MDFIC: variants seen among roughly 807,000 people sequenced by gnomAD.
The protein encoded by MDFIC is MyoD family inhibitor domain containing, also known as myoD family inhibitor domain-containing protein.
Under a neutral mutation model 23.2 loss-of-function variants are expected in MDFIC, and 17 were observed. That is an observed-to-expected ratio of 0.73 (90% CI 0.50 to 1.10). MDFIC has a LOEUF of 1.10. MDFIC is among the 50% of genes least tolerant of loss of function. The pLI is 0.00. For synonymous variants in MDFIC, 120 were observed against 115.2 expected, an observed-to-expected ratio of 1.04 and a Z score of -0.27; for missense variants, 356 against 316.6, an observed-to-expected ratio of 1.12 and a Z score of -0.95.
At chr7:114,926,382 TC>T (rs1032169315) in intron 2 of MDFIC, among the ~76,000 whole-genome samples, 3 of 152,196 alleles carry the variant, frequency 2.0e-5, no homozygotes, top group African/African-American at 7.2e-5. Context: ...AAATTGTATG[TC>T]ATTGTGATAA....
intron 4 of MDFIC, among the ~76,000 whole-genome samples, chr7:115,011,076 C>G (rs1192538596): frequency 6.6e-6 from 1 of 152,062 alleles, no homozygotes; most frequent in Non-Finnish European, 1.5e-5. Flanking sequence ...GAACATCAAC[C>G]CAGTGTTAGA....
intron 4 of MDFIC, among the ~76,000 whole-genome samples, chr7:114,980,967 G>A (rs1035307323): frequency 6.6e-6 from 1 of 152,166 alleles, no homozygotes; most frequent in Non-Finnish European, 1.5e-5. Context: ...ATAGTTCCAG[G>A]TCAGTGACAC....
At chr7:115,014,894 G>T (rs185963168) in intron 4 of MDFIC, among the ~76,000 whole-genome samples, 370 of 152,208 alleles carry the variant, frequency 2.4e-3, no homozygotes, top group African/African-American at 8.7e-3. Context: ...GAAGTTTAAT[G>T]AACATTGTTG....
chr7:114,971,605 C>T (rs905703885), intron 3 of MDFIC, among the ~76,000 whole-genome samples: 11 of 152,148 alleles, frequency 7.2e-5, no homozygotes, highest in Non-Finnish European at 2.9e-5. Context: ...TGCTTTTGTG[C>T]TTTTATCCTC....
chr7:115,002,428 C>T (rs1320037066), intron 4 of MDFIC, among the ~76,000 whole-genome samples: 2 of 152,156 alleles, frequency 1.3e-5, no homozygotes, highest in African/African-American at 4.8e-5. Flanking sequence ...TCAATATGTC[C>T]CAAATTCCTG....
chr7:115,008,919 C>T (rs746055660), intron 4 of MDFIC, among the ~76,000 whole-genome samples: 24 of 152,160 alleles, frequency 1.6e-4, no homozygotes, highest in South Asian at 4.1e-4. Context: ...CCTGTTATAC[C>T]GCCACTGGGC....
chr7:115,000,777 G>A (rs1355595537), intron 4 of MDFIC, among the ~76,000 whole-genome samples: 1 of 152,156 alleles, frequency 6.6e-6, no homozygotes. Flanking sequence ...AGCAACGCCA[G>A]GATGCAGAAG....
chr7:115,019,447 T>C lies in MDFIC; in HGVS notation c.*3512T>C, dbSNP rs1051697286. ...CCATTCTTTATCCATACAAACTCTT[T>C]CAGTGCCCTAGATTCTAATGTTATA... is the stretch of plus-strand genomic sequence containing the variant. On this transcript the variant is annotated 3_prime_UTR_variant, in exon 5 of 5. Transcript: ENST00000393486. Among the ~76,000 whole-genome samples, 8 of 152,088 alleles carry C rather than the reference T, an allele frequency of 5.3e-5. No homozygotes were observed. Among genetic ancestry groups the C allele is most frequent in the Non-Finnish European group, 1.2e-4 (8 of 67,976 alleles).
chr7:114,983,779 C>T (rs1793460545), intron 4 of MDFIC, among the ~76,000 whole-genome samples: 1 of 151,800 alleles, frequency 6.6e-6, no homozygotes, highest in African/African-American at 2.4e-5. Context: ...CCACGTTGGC[C>T]AGGCTGGTCT....
chr7:114,926,182 G>A (rs369988142), intron 2 of MDFIC, among the ~76,000 whole-genome samples: 1 of 152,158 alleles, frequency 6.6e-6, no homozygotes. Flanking sequence ...ATAATCCAAA[G>A]AGCCTTTGAA....
chr7:115,015,808 G>A lies in MDFIC; in HGVS notation c.614G>A (p.Gly205Asp), dbSNP rs775612784. 2 of 1,614,206 alleles carry A rather than the reference G, an allele frequency of 1.2e-6. No homozygotes were observed. Among genetic ancestry groups the A allele is most frequent in the South Asian group, 1.1e-5 (1 of 91,076 alleles). The change falls in exon 5 of 5, where the codon GGT becomes GAT. Residue 205 changes from glycine (G) to aspartate (D), a missense_variant. Gly to Asp is a moderately conservative substitution (Grantham distance 94). Transcript: ENST00000393486. ...TCAGAAGCCTGCTGCTGTTGCTGTGGTGACGAGATGGGGGATGATTGTAAC... is the reference window on the plus strand; with the variant it reads ...TCAGAAGCCTGCTGCTGTTGCTGTGATGACGAGATGGGGGATGATTGTAAC... ...CTSEACCCCC[G>D]DEMGDDCNCP... is the part of the protein sequence containing the mutation.
At chr7:114,963,727 C>T (rs551248529) in intron 3 of MDFIC, among the ~76,000 whole-genome samples, 42 of 152,088 alleles carry the variant, frequency 2.8e-4, no homozygotes, top group Non-Finnish European at 5.6e-4. Flanking sequence ...AGTACAGGCA[C>T]GTGCCACCAT....
At chr7:115,014,177 A>G (rs1791743828) in intron 4 of MDFIC, 2 of 985,230 alleles carry the variant, frequency 2.0e-6, no homozygotes, top group Non-Finnish European at 2.4e-6. Context: ...AATTCTCTAC[A>G]AAGTTAGAGA....
intron 3 of MDFIC, among the ~76,000 whole-genome samples, chr7:114,969,875 A>G (rs1253623567): frequency 1.3e-5 from 2 of 152,204 alleles, no homozygotes; most frequent in East Asian, 3.9e-4. Context: ...CCTCTAGGTG[A>G]TGTTTGTTCC....
rs1255634561 is a variant in MDFIC at position 115,019,861 on chromosome 7, A to G, written c.*3926A>G. Among the ~76,000 whole-genome samples, 1 of 152,152 alleles carries G rather than the reference A, an allele frequency of 6.6e-6. No individual in the cohort carries two copies. The highest frequency in any genetic ancestry group is 1.5e-5 in the Non-Finnish European group (1 of 68,018). On this transcript the variant is annotated 3_prime_UTR_variant, in exon 5 of 5. Coordinates refer to ENST00000393486, the MANE Select transcript of MDFIC (RefSeq NM_001166345.3). ...ATAATCAAGCATTGGGTATTAAAAG[A>G]GAATCCTTTCAACCCTTCATCTTCG...
In MDFIC at chr7:114,985,561, T is replaced by C. The variant is rs528864271; in HGVS notation, c.493+5780T>C. ...AGTAAACATGTGTCATGGGGGTTTG[T>C]TGTACAGATTATTTCATCCCCCAGG... On this transcript the variant is annotated intron_variant, in intron 4 of 4. Transcript: ENST00000393486. Among the ~76,000 whole-genome samples the C allele has an allele frequency of 3.3e-5, 5 of 152,132 alleles. No homozygotes were observed. In the East Asian group the frequency reaches 9.7e-4, roughly 29 times the overall value.
chr7:114,990,015 A>T (rs1020464969), intron 4 of MDFIC, among the ~76,000 whole-genome samples: 4 of 152,222 alleles, frequency 2.6e-5, no homozygotes, highest in Admixed American at 2.6e-4. Context: ...AAAAACAAAC[A>T]TAGCTAAGCA....
At chr7:114,923,169 T>G (rs1585088470) in intron 2 of MDFIC, 42 bp downstream of exon 2, 1 of 1,528,824 alleles carries the variant, frequency 6.5e-7, no homozygotes, top group Non-Finnish European at 8.7e-7. Flanking sequence ...TTGTCATTGT[T>G]GCATTTTTCA....
intron 2 of MDFIC, among the ~76,000 whole-genome samples, chr7:114,942,050 A>G (rs1262438208): frequency 6.6e-6 from 1 of 152,108 alleles, no homozygotes; most frequent in East Asian, 1.9e-4. Flanking sequence ...TTAACAGATT[A>G]TTTTTACCAT....
Sources: allele counts gnomAD v4.1 joint callset (sites outside exome capture counted in the v4.1 genomes callset), GRCh38; gene constraint gnomAD v4.1.1; transcripts MANE v1.5; gene names NCBI Gene and HGNC (gene_info 2026-07-23, HGNC 2026-07-21).